Variants in SORCS3 observed in about 807,000 individuals in gnomAD.
The protein encoded by SORCS3 is sortilin related VPS10 domain containing receptor 3.
In SORCS3, 57 loss-of-function variants were observed where a neutral mutation model predicts 146.3. The observed-to-expected ratio is 0.39, with a 90% CI of 0.31 to 0.49. The LOEUF (loss-of-function observed/expected upper bound fraction) is 0.49. Among genes scored for constraint, SORCS3 ranks in the 20% least tolerant of loss-of-function variants. The probability of loss-of-function intolerance (pLI) is 0.92; values close to 1 mark genes in which losing one functional copy is unlikely to be tolerated. For missense variants in SORCS3, 1,341 were observed against 1,575.5 expected, an observed-to-expected ratio of 0.85 and a Z score of 2.52; for synonymous variants, 653 against 618.5, an observed-to-expected ratio of 1.06 and a Z score of -0.83.
chr10:104,693,088 G>A (rs1011051871), intron 1 of SORCS3, among the ~76,000 whole-genome samples: 1 of 152,220 alleles, frequency 6.6e-6, no homozygotes, highest in Admixed American at 6.5e-5. Flanking sequence ...TTCAGGGATT[G>A]CAATTCTTAG....
At chr10:105,149,245 A>G (rs1350393314) in intron 9 of SORCS3, among the ~76,000 whole-genome samples, 6 of 152,298 alleles carry the variant, frequency 3.9e-5, no homozygotes, top group Non-Finnish European at 8.8e-5. Flanking sequence ...CTGTTCTGTT[A>G]GGCAGAGAGA....
At chr10:104,932,429 T>C (rs182139734) in intron 3 of SORCS3, among the ~76,000 whole-genome samples, 12 of 152,310 alleles carry the variant, frequency 7.9e-5, no homozygotes, top group Middle Eastern at 3.4e-3. Flanking sequence ...GGTGAGGAAG[T>C]AGGCTGTACC....
chr10:104,743,418 T>C (rs1176977572), intron 1 of SORCS3, among the ~76,000 whole-genome samples: 2 of 152,174 alleles, frequency 1.3e-5, no homozygotes, highest in Non-Finnish European at 2.9e-5. Context: ...ATAACTGATG[T>C]TGGGAATGCA....
chr10:105,050,391 G>A (rs766795030), intron 5 of SORCS3, among the ~76,000 whole-genome samples: 1 of 152,102 alleles, frequency 6.6e-6, no homozygotes, highest in Non-Finnish European at 1.5e-5. Context: ...CTCAAAGCAA[G>A]CTACCATGTT....
At chr10:104,704,684 T>C (rs1417614314) in intron 1 of SORCS3, among the ~76,000 whole-genome samples, 1 of 152,140 alleles carries the variant, frequency 6.6e-6, no homozygotes, top group Non-Finnish European at 1.5e-5. Flanking sequence ...CCTAGTACTC[T>C]AGGGAATGTG....
At chr10:105,150,409 G>A (rs1350020007) in intron 9 of SORCS3, among the ~76,000 whole-genome samples, 2 of 152,120 alleles carry the variant, frequency 1.3e-5, no homozygotes, top group African/African-American at 4.8e-5. Context: ...ATCTGTGCAG[G>A]CAGATCCTTA....
At chr10:105,119,264 G>C (rs772489484) in intron 7 of SORCS3, among the ~76,000 whole-genome samples, 1 of 152,212 alleles carries the variant, frequency 6.6e-6, no homozygotes, top group Non-Finnish European at 1.5e-5. Flanking sequence ...CAGAAGTCAA[G>C]AATTGAGGTT....
intron 4 of SORCS3, among the ~76,000 whole-genome samples, chr10:104,996,863 A>C (rs550322383): frequency 6.6e-6 from 1 of 152,324 alleles, no homozygotes; most frequent in Admixed American, 6.5e-5. Flanking sequence ...AAGCAAGTAC[A>C]AACTTCTGCC....
intron 4 of SORCS3, among the ~76,000 whole-genome samples, chr10:105,007,902 T>C (rs2055107300): frequency 6.6e-6 from 1 of 152,148 alleles, no homozygotes; most frequent in Non-Finnish European, 1.5e-5. Context: ...GGGGACCTCT[T>C]TCCTGGGAAG....
intron 2 of SORCS3, among the ~76,000 whole-genome samples, chr10:104,903,890 T>A (rs2018877445): frequency 6.6e-6 from 1 of 152,220 alleles, no homozygotes; most frequent in Admixed American, 6.5e-5. Flanking sequence ...AAGAAAAATT[T>A]GAAAAGTAAA....
At chr10:105,079,708 T>A (rs1408328618) in intron 5 of SORCS3, among the ~76,000 whole-genome samples, 1 of 152,156 alleles carries the variant, frequency 6.6e-6, no homozygotes, top group Non-Finnish European at 1.5e-5. Context: ...TATTTTCTGC[T>A]CCTCTCCTTC....
At chr10:104,896,421 A>G (rs1440758680) in intron 2 of SORCS3, among the ~76,000 whole-genome samples, 1 of 152,242 alleles carries the variant, frequency 6.6e-6, no homozygotes, top group Non-Finnish European at 1.5e-5. Flanking sequence ...AAATGCCAGG[A>G]TAGGGGCCTG....
At chr10:104,985,951 C>T (rs554526728) in intron 4 of SORCS3, among the ~76,000 whole-genome samples, 2 of 152,052 alleles carry the variant, frequency 1.3e-5, no homozygotes, top group Admixed American at 6.6e-5. Context: ...TTTAAGGGCC[C>T]TAGGATTTTT....
chr10:105,192,368 T>C (rs2056521653), intron 14 of SORCS3, among the ~76,000 whole-genome samples: 1 of 152,016 alleles, frequency 6.6e-6, no homozygotes, highest in Non-Finnish European at 1.5e-5. Flanking sequence ...AGGAAAAGCA[T>C]GTTGAAGCCT....
intron 25 of SORCS3, among the ~76,000 whole-genome samples, chr10:105,258,225 G>A (rs760662619): frequency 2.6e-5 from 4 of 152,168 alleles, no homozygotes; most frequent in Non-Finnish European, 5.9e-5. Context: ...TCAACTTGTA[G>A]ACCAGTATGT....
At chr10:104,948,211 G>A (rs1342747632) in intron 3 of SORCS3, among the ~76,000 whole-genome samples, 3 of 152,098 alleles carry the variant, frequency 2.0e-5, no homozygotes, top group Non-Finnish European at 2.9e-5. Flanking sequence ...TATTTCCTAG[G>A]GAGCATTACC....
rs747984328 is a variant in SORCS3 at position 105,217,794 on chromosome 10, A to G, written c.2734+672A>G. On this transcript the variant is annotated intron_variant, in intron 19 of 26. Transcript: ENST00000369701. ...GCTGGATGCATTTTGTGTATTTTCT[A>G]TTCTAGAATTTGATGCATGTAAACT... 55 of 453,978 alleles carry G rather than the reference A, an allele frequency of 1.2e-4. 2 individuals are homozygous for G. The highest frequency in any genetic ancestry group is 7.4e-4 in the South Asian group (48 of 64,468). 28.1% of individuals were successfully genotyped at this position (453,978 alleles called of 1,614,324 possible).
intron 20 of SORCS3, among the ~76,000 whole-genome samples, chr10:105,242,703 T>C (rs1349566018): frequency 7.9e-5 from 8 of 101,764 alleles, no homozygotes; most frequent in African/African-American, 2.9e-4. Flanking sequence ...TATACATTTA[T>C]ATATTTATAT....
intron 4 of SORCS3, among the ~76,000 whole-genome samples, chr10:104,997,675 C>T (rs562749323): frequency 2.6e-5 from 4 of 152,286 alleles, no homozygotes; most frequent in African/African-American, 9.6e-5. Flanking sequence ...CTGGGATTCA[C>T]AGTCGAGCAC....
Sources: gnomAD v4.1 joint callset for allele counts (sites outside exome capture counted in the v4.1 genomes callset) on GRCh38, gnomAD v4.1.1 for gene constraint, MANE v1.5 for transcripts, NCBI Gene and HGNC (gene_info 2026-07-23, HGNC 2026-07-21) for gene names.